IQUB: variants seen among roughly 807,000 people sequenced by gnomAD.
The protein encoded by IQUB is IQ motif and ubiquitin-like domain-containing protein.
A neutral mutation model predicts 86.4 loss-of-function variants in IQUB; 86 were observed. The observed-to-expected ratio is 1.00, with a 90% CI of 0.84 to 1.19. IQUB has a LOEUF of 1.19. Ranked by LOEUF, IQUB falls within the 50% of genes most tolerant of loss-of-function variation. IQUB has a pLI of 0.00. For synonymous variants in IQUB, 289 were observed against 304.5 expected (o/e 0.95, Z 0.53); for missense variants, 946 against 916.9 (o/e 1.03, Z -0.41).
intron 1 of IQUB, among the ~76,000 whole-genome samples, chr7:123,526,534 T>G (rs1017769247): frequency 6.6e-6 from 1 of 151,950 alleles, no homozygotes; most frequent in African/African-American, 2.4e-5. Context: ...TGCCTTTTTT[T>G]GTTTTCCATT....
intron 1 of IQUB, among the ~76,000 whole-genome samples, chr7:123,527,405 T>C (rs1797285966): frequency 6.6e-6 from 1 of 152,240 alleles, no homozygotes; most frequent in African/African-American, 2.4e-5. Flanking sequence ...TTTTTAGAGT[T>C]TCCAGTTTTT....
intron 7 of IQUB, among the ~76,000 whole-genome samples, chr7:123,493,995 C>T (rs2117154546): frequency 6.6e-6 from 1 of 152,096 alleles, no homozygotes; most frequent in African/African-American, 2.4e-5. Context: ...GGTCTCATGA[C>T]ATAATATTGA....
At chr7:123,470,441 A>T (rs938803045) in intron 8 of IQUB, among the ~76,000 whole-genome samples, 9 of 152,202 alleles carry the variant, frequency 5.9e-5, no homozygotes, top group African/African-American at 2.2e-4. Context: ...CATACTTGCA[A>T]ACATTTAAAT....
Position 123,469,386 on chromosome 7 carries a change from T to C in IQUB, c.1411-2A>G. 2 of 1,524,032 alleles carry C rather than the reference T, an allele frequency of 1.3e-6. No homozygotes were observed. The highest frequency in any genetic ancestry group is 1.8e-6 in the Non-Finnish European group (2 of 1,126,266). The allele number at this position is 1,524,032 out of a possible 1,614,324, so 94.4% of individuals were successfully genotyped here. A position where few individuals can be genotyped will look rare whatever the true frequency, so the allele number is the denominator to read the frequency against. ...TCTCCATATTTTTGGAGCTGAACAC[T>C]TAAAAATAATATTATGTTTATAATT... On this transcript the variant is annotated splice_acceptor_variant, in intron 8 of 12. Transcript: ENST00000324698. LOFTEE classifies it high-confidence loss of function.
chr7:123,508,662 T>C (rs942829326), intron 3 of IQUB, among the ~76,000 whole-genome samples: 2 of 152,204 alleles, frequency 1.3e-5, no homozygotes, highest in Admixed American at 6.5e-5. Context: ...TACTACAATC[T>C]CAAAGTGCTC....
chr7:123,511,385 G>T (rs1796407642), intron 2 of IQUB, among the ~76,000 whole-genome samples: 1 of 152,150 alleles, frequency 6.6e-6, no homozygotes, highest in African/African-American at 2.4e-5. Flanking sequence ...AATAACTACT[G>T]TATGCTATCA....
At chr7:123,526,574 T>G (rs997696809) in intron 1 of IQUB, among the ~76,000 whole-genome samples, 5 of 151,644 alleles carry the variant, frequency 3.3e-5, no homozygotes, top group Non-Finnish European at 5.9e-5. Context: ...CATCCTTTTA[T>G]TTTGAGCCTA....
At chr7:123,474,970 A>G (rs1259928529) in intron 8 of IQUB, among the ~76,000 whole-genome samples, 2 of 152,102 alleles carry the variant, frequency 1.3e-5, no homozygotes, top group Non-Finnish European at 2.9e-5. Context: ...CCTTCCCTCA[A>G]TTCTCTGCCT....
At chr7:123,494,647 G>A (rs1795633458) in intron 7 of IQUB, among the ~76,000 whole-genome samples, 1 of 152,036 alleles carries the variant, frequency 6.6e-6, no homozygotes. Context: ...ACTTTAGTAT[G>A]AAAATTCTGT....
At chr7:123,479,595 C>T (rs1199809530) in intron 8 of IQUB, among the ~76,000 whole-genome samples, 200 bp downstream of exon 8, 1 of 151,982 alleles carries the variant, frequency 6.6e-6, no homozygotes. Context: ...TTCATATTAC[C>T]TAACAATTTT....
intron 2 of IQUB, among the ~76,000 whole-genome samples, chr7:123,510,846 A>G (rs964575324): frequency 3.9e-5 from 6 of 152,146 alleles, no homozygotes; most frequent in Admixed American, 1.3e-4. Context: ...AAATATAAGA[A>G]GGTTATTTTA....
intron 9 of IQUB, among the ~76,000 whole-genome samples, 170 bp from the exon 10 acceptor site, chr7:123,465,179 T>C (rs1286201034): frequency 2.0e-5 from 3 of 151,984 alleles, no homozygotes; most frequent in Non-Finnish European, 4.4e-5. Flanking sequence ...TATATAGTTT[T>C]GTTGTATATA....
chr7:123,461,254 G>T, intron 11 of IQUB, 103 bp downstream of exon 11: 1 of 1,167,020 alleles, frequency 8.6e-7, no homozygotes, highest in Non-Finnish European at 1.2e-6. Flanking sequence ...GTGGAATAGA[G>T]AGTCATTAAA....
In IQUB at chr7:123,479,813, T is replaced by C. The variant is rs1794911951; in HGVS notation, c.1392A>G (p.Ile464Met). Residue 464 changes from isoleucine (I) to methionine (M), a missense_variant, in exon 8 of 13, where the codon ATA becomes ATG. By Grantham distance (10) the Ile-to-Met change is conservative. Coordinates refer to ENST00000324698, the MANE Select transcript of IQUB (RefSeq NM_178827.5). ...IAYMANQEAAIQAFLDKCSAP... is the reference protein window; with the variant it reads ...IAYMANQEAAMQAFLDKCSAP... ...CACTAACCTTATCCAAAAAAGCTTG[T>C]ATTGCTGCTTCCTGATTTGCCATAT... 1 of 1,611,962 alleles carries C rather than the reference T, an allele frequency of 6.2e-7. No individual in the cohort carries two copies. The highest frequency in any genetic ancestry group is 2.2e-5 in the East Asian group (1 of 44,810).
At chr7:123,518,556 T>G (rs1275104817) in intron 1 of IQUB, among the ~76,000 whole-genome samples, 1 of 152,140 alleles carries the variant, frequency 6.6e-6, no homozygotes, top group Admixed American at 6.5e-5. Context: ...GATCTCCCTC[T>G]TGGGGCTTTT....
At chr7:123,512,470 G>T in intron 1 of IQUB, 126 bp from the exon 2 acceptor site, 1 of 500,646 alleles carries the variant, frequency 2.0e-6, no homozygotes, top group Non-Finnish European at 3.3e-6. Context: ...TTAAAAAAAT[G>T]TTTATCTTAG....
At chr7:123,454,382 A>C (rs1175392276) in intron 12 of IQUB, among the ~76,000 whole-genome samples, 1 of 152,058 alleles carries the variant, frequency 6.6e-6, no homozygotes, top group Non-Finnish European at 1.5e-5. Context: ...TCCATATTAT[A>C]TTATTTATAT....
At chr7:123,493,359 T>C (rs1405230207) in intron 7 of IQUB, among the ~76,000 whole-genome samples, 1 of 152,168 alleles carries the variant, frequency 6.6e-6, no homozygotes, top group East Asian at 1.9e-4. Context: ...GCCCTTCTTA[T>C]ATGTTTTATC....
In IQUB at chr7:123,469,531, G is replaced by T. The variant is rs532489080; in HGVS notation, c.1411-147C>A. The T allele has an allele frequency of 2.8e-4, 128 of 452,236 alleles. 4 individuals are homozygous for T. The South Asian group carries it at 7.7e-3, about 27-fold the overall frequency. The allele number at this position is 452,236 out of a possible 1,614,324, so 28.0% of individuals were successfully genotyped here. ...CTTATGAAAATTAATTTAAGAATTT[G>T]CAGATCAGGCAAAAGTAAAATATTT... On this transcript the variant is annotated intron_variant, in intron 8 of 12. Transcript: ENST00000324698.
Sources: gnomAD v4.1 joint callset for allele counts (sites outside exome capture counted in the v4.1 genomes callset) on GRCh38, gnomAD v4.1.1 for gene constraint, MANE v1.5 for transcripts, NCBI Gene and HGNC (gene_info 2026-07-23, HGNC 2026-07-21) for gene names.